The following OTUD7B variants were observed in gnomAD, a reference collection of about 807,000 sequenced individuals.
The protein encoded by OTUD7B is OTU domain-containing protein 7B.
OTUD7B carries 34 observed loss-of-function variants against 82.2 expected under a neutral mutation model. The observed-to-expected ratio is 0.41, with a 90% CI of 0.31 to 0.55. The LOEUF (loss-of-function observed/expected upper bound fraction) is 0.55. OTUD7B is among the 20% of genes least tolerant of loss of function. The pLI, the probability that OTUD7B is intolerant of heterozygous loss-of-function variation, is 0.20. For missense variants in OTUD7B, 944 were observed against 1,062.1 expected (o/e 0.89, Z 1.55); for synonymous variants, 398 against 402.7 (o/e 0.99, Z 0.14).
intron 7 of OTUD7B, among the ~76,000 whole-genome samples, chr1:149,952,718 C>T (rs1447818068): frequency 6.6e-6 from 1 of 152,162 alleles, no homozygotes; most frequent in Non-Finnish European, 1.5e-5. Flanking sequence ...CCTGTTGTTT[C>T]CTGACTTTTT....
At chr1:150,014,055 T>C (rs1198782284), upstream of OTUD7B, among the ~76,000 whole-genome samples, 8 of 78,344 alleles carry the variant, frequency 1.0e-4, no homozygotes, top group African/African-American at 3.6e-4. Context: ...TGTGTGTATA[T>C]ATATGTGTGT....
chr1:149,959,562 T>A, intron 7 of OTUD7B, 122 bp downstream of exon 7: 1 of 680,180 alleles, frequency 1.5e-6, no homozygotes. Context: ...TTTGTGCCCT[T>A]AGCATAGTTC....
chr1:149,969,637 C>A lies in OTUD7B; in HGVS notation c.274+1426G>T, dbSNP rs587656577. Among the ~76,000 whole-genome samples, 9 of 152,268 alleles carry A rather than the reference C, an allele frequency of 5.9e-5. No individual in the cohort carries two copies. In the South Asian group the frequency reaches 1.9e-3, roughly 32 times the overall value. ...AAAATGCATGTACAGCTTTTAAAAT[C>A]ATCTTTTAAAACGCAAATGAGAGTA... On this transcript the variant is annotated intron_variant, in intron 3 of 11. Transcript: ENST00000581312.
the OTUD7B span, among the ~76,000 whole-genome samples, chr1:150,035,131 C>T: frequency 1.1e-5 from 1 of 91,200 alleles, no homozygotes; most frequent in Non-Finnish European, 2.1e-5. Context: ...GCAACAAGAG[C>T]GAAACTTCAT....
rs1173627544 is a variant in OTUD7B at position 149,939,597 on chromosome 1, C to A, written c.*4260G>T. 1 of 152,174 alleles carries A rather than the reference C, an allele frequency of 6.6e-6. No homozygotes were observed. The highest frequency in any genetic ancestry group is 1.5e-5 in the Non-Finnish European group (1 of 68,064). 9.4% of individuals were successfully genotyped at this position (152,174 alleles called of 1,614,324 possible). On this transcript the variant is annotated 3_prime_UTR_variant, in exon 12 of 12. Coordinates refer to ENST00000581312, the MANE Select transcript of OTUD7B (RefSeq NM_020205.4). ...AGGGGCTTCTAATTCTGTCTTCTCA[C>A]CTGTGGCTATATGTCTGGGGCACTG...
chr1:149,977,336 T>C (rs892081574), intron 2 of OTUD7B, 90 bp downstream of exon 2: 5 of 922,344 alleles, frequency 5.4e-6, no homozygotes, highest in Non-Finnish European at 9.0e-6. Flanking sequence ...ACAAAGTATC[T>C]TCCTGATCAC....
In OTUD7B at chr1:149,971,096, G is replaced by A. The variant is rs1553777527; in HGVS notation, c.241C>T (p.Pro81Ser). The change falls in exon 3 of 12, where the codon CCC (proline) becomes TCC (serine). Residue 81 changes from proline to serine, a missense_variant. Pro to Ser is a moderately conservative substitution (Grantham distance 74). Transcript: ENST00000581312. ...ATGTCATCCTGCCGCTGGAGGATGGGTCGGGGAGGGCGAGTAGGCTCTCTG... is the reference window on the plus strand; with the variant it reads ...ATGTCATCCTGCCGCTGGAGGATGGATCGGGGAGGGCGAGTAGGCTCTCTG... ...SDREPTRPPR[P>S]ILQRQDDIVQ... The A allele has an allele frequency of 5.0e-6, 8 of 1,612,102 alleles. No homozygotes were observed. The highest frequency in any genetic ancestry group is 5.9e-6 in the Non-Finnish European group (7 of 1,178,592).
Position 149,943,658 on chromosome 1 carries a change from G to T in OTUD7B, c.*199C>A. 1.6e-6 allele frequency: 1 copy of T among 609,766 alleles called. No homozygotes were observed. 37.8% of individuals were successfully genotyped at this position (609,766 alleles called of 1,614,324 possible). On this transcript the variant is annotated 3_prime_UTR_variant, in exon 12 of 12. Coordinates refer to ENST00000581312, the MANE Select transcript of OTUD7B (RefSeq NM_020205.4). ...TCAAGCTCTGCAGAGGAATAGTACA[G>T]CCCCTGAGGTGCCATCCAGCCCCGA... is the stretch of plus-strand genomic sequence containing the variant.
chr1:150,067,606 G>A, the OTUD7B span: 6 of 494,216 alleles, frequency 1.2e-5, no homozygotes, highest in South Asian at 9.6e-5. Flanking sequence ...TCAGGCCGCA[G>A]GTGGGTGGAG....
At chr1:149,948,493 TC>T (rs1417712274) in intron 10 of OTUD7B, among the ~76,000 whole-genome samples, 2 of 151,040 alleles carry the variant, frequency 1.3e-5, no homozygotes, top group Non-Finnish European at 2.9e-5. Context: ...TGCCTCAGCC[TC>T]CCTAGTAGTT....
At chr1:149,950,819 A>G (rs1344250434) in intron 7 of OTUD7B, among the ~76,000 whole-genome samples, 2 of 123,944 alleles carry the variant, frequency 1.6e-5, no homozygotes, top group Non-Finnish European at 1.6e-5. Flanking sequence ...TTTGAGATAG[A>G]GTCTCGTTCT....
intron 1 of OTUD7B, among the ~76,000 whole-genome samples, chr1:149,982,128 G>A (rs1036625674): frequency 4.6e-5 from 7 of 151,980 alleles, no homozygotes; most frequent in Admixed American, 2.0e-4. Flanking sequence ...CAGCCTGGGC[G>A]ACAGAGCGAG....
chr1:149,965,688 C>T, intron 5 of OTUD7B, 89 bp downstream of exon 5: 1 of 904,608 alleles, frequency 1.1e-6, no homozygotes, highest in Non-Finnish European at 1.8e-6. Context: ...CGCCTAAGAT[C>T]AAGGTTATCT....
intron 1 of OTUD7B, among the ~76,000 whole-genome samples, chr1:150,001,338 C>G (rs940882673): frequency 5.9e-5 from 9 of 152,126 alleles, no homozygotes; most frequent in African/African-American, 2.2e-4. Context: ...AACACAAAAA[C>G]AGTCAGGAGC....
chr1:149,966,162 T>C (rs1649511668), intron 4 of OTUD7B, among the ~76,000 whole-genome samples: 1 of 152,238 alleles, frequency 6.6e-6, no homozygotes, highest in Non-Finnish European at 1.5e-5. Flanking sequence ...GCTACTGGTA[T>C]CTAATGGGTA....
At chr1:150,060,163 T>C in the OTUD7B span, among the ~76,000 whole-genome samples, 1 of 152,236 alleles carries the variant, frequency 6.6e-6, no homozygotes, top group Non-Finnish European at 1.5e-5. Context: ...TTTCAGGCTA[T>C]TAGGTGACAT....
the OTUD7B span, among the ~76,000 whole-genome samples, chr1:150,028,408 AT>A: frequency 5.3e-5 from 8 of 152,094 alleles, no homozygotes; most frequent in East Asian, 1.2e-3. Flanking sequence ...TTTTTTTTCC[AT>A]TTTTTTTAAT....
chr1:150,040,847 T>C, the OTUD7B span, among the ~76,000 whole-genome samples: 1 of 151,778 alleles, frequency 6.6e-6, no homozygotes, highest in Non-Finnish European at 1.5e-5. Context: ...ATAGCTGGGA[T>C]TACAGGTTCC....
At chr1:150,053,854 A>T in the OTUD7B span, 4 of 300,604 alleles carry the variant, frequency 1.3e-5, no homozygotes, top group Non-Finnish European at 1.2e-5. Flanking sequence ...GCTCTTTTCC[A>T]TCTTACAAGA....
Sources: allele counts gnomAD v4.1 joint callset (sites outside exome capture counted in the v4.1 genomes callset), GRCh38; gene constraint gnomAD v4.1.1; transcripts MANE v1.5; gene names NCBI Gene and HGNC (gene_info 2026-07-23, HGNC 2026-07-21).